Variants in SLC30A9 observed in about 807,000 individuals in gnomAD.
SLC30A9 encodes proton-coupled zinc antiporter SLC30A9, mitochondrial.
SLC30A9 carries 58 observed loss-of-function variants against 87.5 expected under a neutral mutation model. The observed-to-expected ratio is 0.66, with a 90% CI of 0.54 to 0.82. The LOEUF is 0.82. Ranked by LOEUF, SLC30A9 falls within the 40% of genes least tolerant of loss-of-function variation. SLC30A9 has a pLI of 0.00. For missense variants in SLC30A9, 557 were observed against 679.1 expected (o/e 0.82, Z 2.00); for synonymous variants, 234 against 233.0 (o/e 1.00, Z -0.04).
chr4:42,067,861 G>C (rs1718144331), intron 14 of SLC30A9, among the ~76,000 whole-genome samples: 3 of 152,160 alleles, frequency 2.0e-5, no homozygotes, highest in Admixed American at 6.5e-5. Context: ...GGCCAGGTCT[G>C]GTTCCTTCCT....
intron 2 of SLC30A9, among the ~76,000 whole-genome samples, chr4:42,013,375 TA>T (rs565414409): frequency 9.6e-4 from 146 of 152,322 alleles, no homozygotes; most frequent in African/African-American, 2.5e-3. Flanking sequence ...TCTCAGATAC[TA>T]CTGCAAATCA....
rs561366448 is a variant in SLC30A9 at position 42,053,429 on chromosome 4, G to A, written c.840+3950G>A. 1.0e-3 allele frequency among the ~76,000 whole-genome samples: 159 copies of A among 152,232 alleles called. 1 individual carries two copies. The highest frequency in any genetic ancestry group is 3.7e-3 in the African/African-American group (153 of 41,532). ...ATGTTGGCTGGGCGCGGTGGCTCAC[G>A]TCTGTAATCCGAGCACTTTGGGAGG... On this transcript the variant is annotated intron_variant, in intron 9 of 17. Coordinates refer to ENST00000264451, the MANE Select transcript of SLC30A9 (RefSeq NM_006345.4).
intron 11 of SLC30A9, among the ~76,000 whole-genome samples, chr4:42,063,417 A>G (rs1175370444): frequency 6.6e-6 from 1 of 152,252 alleles, no homozygotes. Flanking sequence ...GAAGAACAAG[A>G]AAACCTCTGT....
intron 6 of SLC30A9, among the ~76,000 whole-genome samples, chr4:42,025,988 A>G (rs1330817875): frequency 1.3e-5 from 2 of 150,610 alleles, no homozygotes; most frequent in African/African-American, 2.5e-5. Context: ...AGGTCTCACT[A>G]TGTTGCCCAG....
intron 9 of SLC30A9, among the ~76,000 whole-genome samples, chr4:42,058,364 G>T (rs1717710576): frequency 6.6e-6 from 1 of 152,120 alleles, no homozygotes; most frequent in South Asian, 2.1e-4. Context: ...CCGTATTGCT[G>T]TCAGCATTTT....
intron 6 of SLC30A9, among the ~76,000 whole-genome samples, chr4:42,027,554 G>A (rs1355281923): frequency 1.3e-5 from 2 of 151,704 alleles, no homozygotes; most frequent in East Asian, 1.9e-4. Flanking sequence ...AGTTGAGCAT[G>A]GATTATTTTT....
At chr4:42,042,791 C>T (rs1716977211) in intron 8 of SLC30A9, among the ~76,000 whole-genome samples, 1 of 152,124 alleles carries the variant, frequency 6.6e-6, no homozygotes, top group Non-Finnish European at 1.5e-5. Context: ...GAGATACCTC[C>T]CAGCAGGGAT....
Position 41,990,772 on chromosome 4 carries a change from GCGCTGGC to G in SLC30A9, c.109+20_109+26del. 6.3e-7 allele frequency: 1 copy of G among 1,592,294 alleles called. No homozygotes were observed. The highest frequency in any genetic ancestry group is 8.6e-7 in the Non-Finnish European group (1 of 1,165,162). ...CAGCGACCGCCAGGGTGAGTGTCCC[GCGCTGGC>G]CGCTGGCTCCGTAGAAGCCGAACTG... On this transcript the variant is annotated intron_variant, in intron 1 of 17. Coordinates refer to ENST00000264451, the MANE Select transcript of SLC30A9 (RefSeq NM_006345.4).
intron 17 of SLC30A9, among the ~76,000 whole-genome samples, chr4:42,079,346 T>G (rs1718672779): frequency 6.6e-6 from 1 of 151,704 alleles, no homozygotes; most frequent in East Asian, 1.9e-4. Flanking sequence ...TAGGCTGGAG[T>G]GCAGTGGCAC....
chr4:42,036,431 C>T lies in SLC30A9; in HGVS notation c.669+1098C>T, dbSNP rs576120211. On this transcript the variant is annotated intron_variant, in intron 7 of 17. Coordinates refer to ENST00000264451, the MANE Select transcript of SLC30A9 (RefSeq NM_006345.4). The stretch of plus-strand genomic sequence containing the variant: ...CCTCTTATTTTCTCCTGAACCTAAT[C>T]CAATTGGGCTTTCAACCCCACCACC... Among the ~76,000 whole-genome samples the T allele has an allele frequency of 5.9e-5, 9 of 152,266 alleles. No individual in the cohort carries two copies. The South Asian group carries it at 1.5e-3, about 25-fold the overall frequency.
intron 16 of SLC30A9, among the ~76,000 whole-genome samples, chr4:42,076,493 G>A (rs528542792): frequency 1.2e-4 from 18 of 151,976 alleles, no homozygotes; most frequent in African/African-American, 4.3e-4. Context: ...GGTATAAATG[G>A]TATCCTACTG....
chr4:42,048,511 T>C lies in SLC30A9; in HGVS notation c.738-866T>C, dbSNP rs116332218. On this transcript the variant is annotated intron_variant, in intron 8 of 17. Transcript: ENST00000264451. ...ATAACAGACTTGTAATATAACATGG[T>C]AACTCACTAGCATAACGTCTGAGAT... Among the ~76,000 whole-genome samples, 709 of 85,750 alleles carry C rather than the reference T, an allele frequency of 8.3e-3. 4 individuals carry two copies. Among genetic ancestry groups the C allele is most frequent in the African/African-American group, 0.017 (683 of 40,024 alleles). 56.3% of individuals were successfully genotyped at this position (85,750 alleles called of 152,430 possible). A position where few individuals can be genotyped will look rare whatever the true frequency, so the allele number is the denominator to read the frequency against.
chr4:42,054,001 G>C (rs1282523794), intron 9 of SLC30A9, among the ~76,000 whole-genome samples: 1 of 152,180 alleles, frequency 6.6e-6, no homozygotes, highest in Non-Finnish European at 1.5e-5. Flanking sequence ...TGATGGAAAG[G>C]TTCTGTGTCT....
rs113305708 is a variant in SLC30A9 at position 42,040,721 on chromosome 4, G to A, written c.737+1668G>A. 9.3e-3 allele frequency among the ~76,000 whole-genome samples: 1,390 copies of A among 149,594 alleles called. 24 individuals carry two copies. Among genetic ancestry groups the A allele is most frequent in the African/African-American group, 0.033 (1,333 of 40,630 alleles). ...TGAGGCAGGAGAATGGTGTGAACCC[G>A]GGAGGTGGAGCTTGCAGTGAGCCAA... On this transcript the variant is annotated intron_variant, in intron 8 of 17. Transcript: ENST00000264451.
At chr4:42,058,536 C>A (rs1036356512) in intron 9 of SLC30A9, among the ~76,000 whole-genome samples, 1 of 152,202 alleles carries the variant, frequency 6.6e-6, no homozygotes, top group Non-Finnish European at 1.5e-5. Context: ...TCTACTGGTA[C>A]CAATTTACTG....
At chr4:42,071,115 A>C (rs1163633660) in intron 15 of SLC30A9, among the ~76,000 whole-genome samples, 1 of 152,116 alleles carries the variant, frequency 6.6e-6, no homozygotes, top group Non-Finnish European at 1.5e-5. Context: ...CTTTGAAAAT[A>C]GACTTTGTTT....
intron 6 of SLC30A9, among the ~76,000 whole-genome samples, chr4:42,024,165 C>G (rs1560541998): frequency 6.6e-6 from 1 of 152,172 alleles, no homozygotes. Flanking sequence ...AGAAGCTGTG[C>G]TTGGTGTTTG....
chr4:42,063,931 A>G (rs557812242), intron 11 of SLC30A9, among the ~76,000 whole-genome samples: 5 of 152,274 alleles, frequency 3.3e-5, no homozygotes, highest in African/African-American at 9.6e-5. Flanking sequence ...ATCTCCTTAT[A>G]AAAGACTCCT....
At chr4:42,016,461 A>G (rs542446140) in intron 2 of SLC30A9, among the ~76,000 whole-genome samples, 11 of 152,174 alleles carry the variant, frequency 7.2e-5, no homozygotes, top group Non-Finnish European at 1.6e-4. Context: ...AAAAGAGGAA[A>G]TAGCTTTATA....
Sources: allele counts gnomAD v4.1 joint callset (sites outside exome capture counted in the v4.1 genomes callset), GRCh38; gene constraint gnomAD v4.1.1; transcripts MANE v1.5; gene names NCBI Gene and HGNC (gene_info 2026-07-23, HGNC 2026-07-21).